KCNH3: variants seen among roughly 807,000 people sequenced by gnomAD.
KCNH3 encodes the protein voltage-gated inwardly rectifying potassium channel KCNH3.
Under a neutral mutation model 95.6 loss-of-function variants are expected in KCNH3, and 36 were observed. The observed-to-expected ratio is 0.38, with a 90% confidence interval of 0.29 to 0.50. The LOEUF (loss-of-function observed/expected upper bound fraction) is 0.50. Among genes scored for constraint, KCNH3 ranks in the 20% least tolerant of loss-of-function variants. KCNH3 has a pLI of 0.95. For synonymous variants in KCNH3, 620 were observed against 646.3 expected (o/e 0.96, Z 0.62); for missense variants, 1,030 against 1,484.1 (o/e 0.69, Z 5.03).
chr12:49,541,563 C>A, intron 2 of KCNH3, 67 bp from the exon 3 acceptor site: 1 of 1,576,050 alleles, frequency 6.3e-7, no homozygotes, highest in South Asian at 1.2e-5. Flanking sequence ...GTCAGTGGAG[C>A]CAGGGCCTCT....
intron 1 of KCNH3, among the ~76,000 whole-genome samples, chr12:49,540,498 C>T (rs906610242): frequency 3.3e-5 from 5 of 152,188 alleles, no homozygotes; most frequent in Non-Finnish European, 7.4e-5. Context: ...GCCAGACAGC[C>T]AACCTGGGTA....
At chr12:49,548,010 C>G (rs1181581223) in intron 7 of KCNH3, among the ~76,000 whole-genome samples, 1 of 152,184 alleles carries the variant, frequency 6.6e-6, no homozygotes, top group Non-Finnish European at 1.5e-5. Flanking sequence ...GCGCACAACC[C>G]TACTCCATGC....
intron 1 of KCNH3, 45 bp from the exon 2 acceptor site, chr12:49,540,854 C>T (rs762154452): frequency 6.6e-7 from 1 of 1,518,996 alleles, no homozygotes; most frequent in Non-Finnish European, 9.1e-7. Flanking sequence ...GGTAGGCCTC[C>T]TGCCCCTTCA....
chr12:49,547,117 A>C (rs1938088622), intron 7 of KCNH3, among the ~76,000 whole-genome samples: 1 of 151,736 alleles, frequency 6.6e-6, no homozygotes, highest in Non-Finnish European at 1.5e-5. Flanking sequence ...CTGGTCTCGA[A>C]CTCCTGACCT....
rs547604386 is a variant in KCNH3, at chr12:49,545,516, C to T, written c.1189+1134C>T. ...CACGCCATTCTCCTGCCTCAGCCTC[C>T]CAGGTAGCTGGGACTACAGGCATCC... On this transcript the variant is annotated intron_variant, in intron 7 of 14. Coordinates refer to ENST00000257981, the MANE Select transcript of KCNH3 (RefSeq NM_012284.3). Among the ~76,000 whole-genome samples, 6 of 151,970 alleles carry T rather than the reference C, an allele frequency of 3.9e-5. No individual in the cohort carries two copies. The South Asian group carries it at 1.2e-3, about 32-fold the overall frequency.
chr12:49,543,150 G>A (rs1367124002), intron 4 of KCNH3, 125 bp from the exon 5 acceptor site: 8 of 1,089,476 alleles, frequency 7.3e-6, no homozygotes, highest in Non-Finnish European at 1.0e-5. Flanking sequence ...ATGCCATCTC[G>A]AAGCAGATGC....
chr12:49,557,767 G>T lies in KCNH3; in HGVS notation c.3066G>T (p.Glu1022Asp), dbSNP rs141794402. 2,373 of 1,612,730 alleles carry T rather than the reference G, an allele frequency of 1.5e-3. 2 individuals carry two copies. Among genetic ancestry groups the T allele is most frequent in the Non-Finnish European group, 1.8e-3 (2,098 of 1,179,560 alleles). The change falls in exon 15 of 15, where the codon GAG becomes GAT. Residue 1022 changes from glutamate (E) to aspartate (D), a missense_variant. This residue lies in a region of KCNH3 where 464 missense variants were observed against 493.2 expected (regional missense o/e 0.94). Transcript: ENST00000257981. Reference sequence around the variant, plus strand: ...CCCCTGCCTCCCCTCCTCCTTCTGAGGAAGGGGCTAGGACTGGGCCCGCAG... The same window carrying T: ...CCCCTGCCTCCCCTCCTCCTTCTGATGAAGGGGCTAGGACTGGGCCCGCAG... ...PSTPASPPPS[E>D]EGARTGPAEP...
intron 12 of KCNH3, 60 bp from the exon 13 acceptor site, chr12:49,556,310 G>C (rs74877932): frequency 1.6e-6 from 2 of 1,287,902 alleles, no homozygotes; most frequent in Non-Finnish European, 2.3e-6. Flanking sequence ...ATCCCGTCCC[G>C]TATGACCCCA....
chr12:49,550,381 G>A (rs1215057797), intron 10 of KCNH3, 52 bp downstream of exon 10: 1 of 1,539,768 alleles, frequency 6.5e-7, no homozygotes, highest in Non-Finnish European at 8.7e-7. Context: ...TGAGACCATG[G>A]CCCTGATCTG....
Position 49,558,088 on chromosome 12 carries a change from C to A in KCNH3, c.*135C>A. The A allele has an allele frequency of 9.9e-7, 1 of 1,007,986 alleles. No individual in the cohort carries two copies. The highest frequency in any genetic ancestry group is 1.3e-6 in the Non-Finnish European group (1 of 746,046). The allele number at this position is 1,007,986 out of a possible 1,614,324, so 62.4% of individuals were successfully genotyped here. On this transcript the variant is annotated 3_prime_UTR_variant, in exon 15 of 15. Coordinates refer to ENST00000257981, the MANE Select transcript of KCNH3 (RefSeq NM_012284.3). Reference sequence around the variant, plus strand: ...TGGCTCAGGGCAGGGAGCCTGGAAGCAAAGGAGGACCTGGCTCCTGACTCT... The same window carrying A: ...TGGCTCAGGGCAGGGAGCCTGGAAGAAAAGGAGGACCTGGCTCCTGACTCT...
Position 49,554,977 on chromosome 12 carries a change from C to T in KCNH3, c.2136+423C>T, listed in dbSNP as rs184693427. ...TTGTTCTGAGGGGCTTTTGAATTTC[C>T]CTGGATTGTCACTAATTCCAAACCA... On this transcript the variant is annotated intron_variant, in intron 11 of 14. Transcript: ENST00000257981. Among the ~76,000 whole-genome samples, 5 of 152,198 alleles carry T rather than the reference C, an allele frequency of 3.3e-5. No homozygotes were observed. In the East Asian group the frequency reaches 9.7e-4, roughly 29 times the overall value.
At position 49,555,923 on chromosome 12, in the gene KCNH3, T is replaced by G. The variant is rs754915930; in HGVS notation, c.2440T>G (p.Trp814Gly). 17 of 1,571,880 alleles carry G rather than the reference T, an allele frequency of 1.1e-5. No individual in the cohort carries two copies. The highest frequency in any genetic ancestry group is 1.4e-5 in the Non-Finnish European group (16 of 1,151,556). ...LEGLRLPPMP[W>G]NVPPDLSPRV... is the part of the protein sequence containing the mutation. ...GGGGCTACGGCTGCCCCCCATGCCA[T>G]GGAATGTGCCCCCAGATCTGAGCCC... Residue 814 changes from tryptophan to glycine, a missense_variant, in exon 12 of 15, where the codon TGG becomes GGG. Transcript: ENST00000257981.
At chr12:49,556,635 G>T in intron 13 of KCNH3, 159 bp downstream of exon 13, 1 of 709,240 alleles carries the variant, frequency 1.4e-6, no homozygotes, top group Non-Finnish European at 2.6e-6. Context: ...GGGCAGGGGA[G>T]TTTGGTGGTG....
chr12:49,558,081 C>T lies in KCNH3; in HGVS notation c.*128C>T. 3.5e-6 allele frequency: 4 copies of T among 1,131,012 alleles called. No homozygotes were observed. Among genetic ancestry groups the T allele is most frequent in the Non-Finnish European group, 4.7e-6 (4 of 852,272 alleles). The allele number at this position is 1,131,012 out of a possible 1,614,324, so 70.1% of individuals were successfully genotyped here. ...GGCCCGCTGGCTCAGGGCAGGGAGC[C>T]TGGAAGCAAAGGAGGACCTGGCTCC... On this transcript the variant is annotated 3_prime_UTR_variant, in exon 15 of 15. Transcript: ENST00000257981.
intron 8 of KCNH3, 24 bp downstream of exon 8, chr12:49,549,197 C>G: frequency 6.4e-7 from 1 of 1,561,842 alleles, no homozygotes; most frequent in Non-Finnish European, 8.7e-7. Context: ...CGCGCGTCTT[C>G]CCGGGGCCAC....
At position 49,549,421 on chromosome 12, in the gene KCNH3, C is replaced by T. The variant is rs201396207; in HGVS notation, c.1469-20C>T. On this transcript the variant is annotated intron_variant, in intron 8 of 14. Coordinates refer to ENST00000257981, the MANE Select transcript of KCNH3 (RefSeq NM_012284.3). ...CGGGCCAGGTCCCCTAGGTGACCCCCTCTCGTCACCCTCCCCCAGCCCTGA... is the reference window on the plus strand; with the variant it reads ...CGGGCCAGGTCCCCTAGGTGACCCCTTCTCGTCACCCTCCCCCAGCCCTGA... 104 of 1,611,870 alleles carry T rather than the reference C, an allele frequency of 6.5e-5. No individual in the cohort carries two copies. Among genetic ancestry groups the T allele is most frequent in the Non-Finnish European group, 8.6e-5 (101 of 1,178,830 alleles).
chr12:49,556,041 C>T, intron 12 of KCNH3, 90 bp downstream of exon 12: 2 of 672,882 alleles, frequency 3.0e-6, no homozygotes, highest in Middle Eastern at 3.4e-4. Flanking sequence ...GCCCATCTAA[C>T]CATCTTAACT....
At position 49,556,426 on chromosome 12, in the gene KCNH3, G is replaced by A. The variant is rs139061400; in HGVS notation, c.2525G>A (p.Arg842His). Residue 842 changes from arginine (R) to histidine (H), a missense_variant, in exon 13 of 15, where the codon CGC becomes CAC. This residue lies in a region of KCNH3 where 464 missense variants were observed against 493.2 expected (regional missense o/e 0.94). Coordinates refer to ENST00000257981, the MANE Select transcript of KCNH3 (RefSeq NM_012284.3). The stretch of plus-strand genomic sequence containing the variant: ...TCGGACCAGCCCAAGTTCTCTTTCC[G>A]CGTGGGCCAGTCTGGCCCGGAATGT... ...CGSDQPKFSF[R>H]VGQSGPECSS... The A allele has an allele frequency of 1.2e-4, 191 of 1,614,008 alleles. No individual in the cohort carries two copies. Among genetic ancestry groups the A allele is most frequent in the Non-Finnish European group, 1.5e-4 (177 of 1,179,966 alleles).
intron 7 of KCNH3, among the ~76,000 whole-genome samples, chr12:49,544,912 T>A (rs1450232297): frequency 6.6e-6 from 1 of 152,114 alleles, no homozygotes; most frequent in Non-Finnish European, 1.5e-5. Context: ...CTCTCCTTCA[T>A]GTCACCTCCT....
Sources: allele counts gnomAD v4.1 joint callset (sites outside exome capture counted in the v4.1 genomes callset), GRCh38; gene constraint gnomAD v4.1.1; regional missense constraint gnomAD v4.1.1; transcripts MANE v1.5; gene names NCBI Gene and HGNC (gene_info 2026-07-23, HGNC 2026-07-21).